The following TFDP1 variants were observed in gnomAD, a reference collection of about 807,000 sequenced individuals.
The protein encoded by TFDP1 is transcription factor Dp-1.
Under a neutral mutation model 48.0 loss-of-function variants are expected in TFDP1, and 6 were observed. That is an observed-to-expected ratio of 0.13 (90% CI 0.07 to 0.25). The LOEUF (loss-of-function observed/expected upper bound fraction) is 0.25, where lower values mean the gene tolerates loss of function less well. Ranked by LOEUF, TFDP1 falls within the 10% of genes least tolerant of loss-of-function variation. The probability of loss-of-function intolerance (pLI) is 1.00; values close to 1 mark genes in which losing one functional copy is unlikely to be tolerated. For missense variants in TFDP1, 335 were observed against 543.0 expected (o/e 0.62, Z 3.81); for synonymous variants, 201 against 211.6 (o/e 0.95, Z 0.44).
Position 113,627,158 on chromosome 13 carries a change from T to C in TFDP1, c.186+3872T>C, listed in dbSNP as rs1031558821. On this transcript the variant is annotated intron_variant, in intron 4 of 11. Coordinates refer to ENST00000375370, the MANE Select transcript of TFDP1 (RefSeq NM_007111.5). This position sits in a 1 kb window ranked among gnomAD's most constrained non-coding sequence, Gnocchi z 4.1. ...GACTGGCTCATTCTGACACGAGGGG[T>C]GGGGCTCAGTCCGGGCATGTGAGTG... is the stretch of plus-strand genomic sequence containing the variant. 6.6e-6 allele frequency among the ~76,000 whole-genome samples: 1 copy of C among 151,894 alleles called. No homozygotes were observed. Among genetic ancestry groups the C allele is most frequent in the African/African-American group, 2.4e-5 (1 of 41,330 alleles).
At position 113,637,809 on chromosome 13, in the gene TFDP1, C is replaced by T; in HGVS notation, c.1007-9C>T. 1 of 1,614,234 alleles carries T rather than the reference C, an allele frequency of 6.2e-7. No individual in the cohort carries two copies. The highest frequency in any genetic ancestry group is 8.5e-7 in the Non-Finnish European group (1 of 1,180,042). On this transcript the variant is annotated splice_polypyrimidine_tract_variant and intron_variant, in intron 10 of 11. Coordinates refer to ENST00000375370, the MANE Select transcript of TFDP1 (RefSeq NM_007111.5). The stretch of plus-strand genomic sequence containing the variant: ...CATGACCATTCGCTTATTTTCTTTC[C>T]CTTTTCAGAAATGGCTCAGGGAACT...
intron 3 of TFDP1, among the ~76,000 whole-genome samples, chr13:113,616,731 G>A (rs776409581): frequency 8.5e-5 from 13 of 152,226 alleles, no homozygotes; most frequent in Non-Finnish European, 1.5e-4. Context: ...CGTGACCGTC[G>A]CCTGTGAACT....
At chr13:113,625,610 G>GTGT (rs1252454032) in intron 4 of TFDP1, among the ~76,000 whole-genome samples, 6 of 106,242 alleles carry the variant, frequency 5.6e-5, no homozygotes, top group East Asian at 2.7e-4. Context: ...GTGTCTTCAG[G>GTGT]CGTCTCTCAC....
intron 3 of TFDP1, among the ~76,000 whole-genome samples, chr13:113,612,045 A>G (rs765845705): frequency 5.3e-5 from 8 of 152,116 alleles, no homozygotes; most frequent in Non-Finnish European, 1.0e-4. Context: ...TTTTACTCTT[A>G]ACATTGTGAC....
At chr13:113,606,842 G>A (rs189612426) in intron 2 of TFDP1, among the ~76,000 whole-genome samples, 238 of 152,226 alleles carry the variant, frequency 1.6e-3, no homozygotes, top group African/African-American at 5.4e-3. Context: ...TGGGGTAAGC[G>A]CATCCCACCA....
chr13:113,636,664 A>C lies in TFDP1; in HGVS notation c.970A>C (p.Ser324Arg). ...CSAEDLKMAR[S>R]LVPKALEPYV... Reference sequence around the variant, plus strand: ...TGCCGAAGACCTTAAAATGGCCAGAAGTCTGGTCCCCAAGGCTCTGGAGCC... The same window carrying C: ...TGCCGAAGACCTTAAAATGGCCAGACGTCTGGTCCCCAAGGCTCTGGAGCC... The change falls in exon 10 of 12, where the codon AGT becomes CGT. Residue 324 changes from serine to arginine, a missense_variant. Coordinates refer to ENST00000375370, the MANE Select transcript of TFDP1 (RefSeq NM_007111.5). 1 of 1,610,718 alleles carries C rather than the reference A, an allele frequency of 6.2e-7. No individual in the cohort carries two copies. The highest frequency in any genetic ancestry group is 1.1e-5 in the South Asian group (1 of 91,084).
chr13:113,604,712 C>T (rs1388685398), intron 2 of TFDP1, among the ~76,000 whole-genome samples: 2 of 152,230 alleles, frequency 1.3e-5, no homozygotes, highest in Non-Finnish European at 2.9e-5. Flanking sequence ...ACCTGCCTGG[C>T]AGGACCCCTG....
At chr13:113,631,587 G>A in intron 4 of TFDP1, 36 bp from the exon 5 acceptor site, 1 of 1,601,484 alleles carries the variant, frequency 6.2e-7, no homozygotes, top group East Asian at 2.2e-5. Flanking sequence ...CGTGTGGGAG[G>A]GGACTGACTG....
chr13:113,585,367 G>C (rs2047974542), intron 1 of TFDP1: 1 of 152,214 alleles, frequency 6.6e-6, no homozygotes, highest in Admixed American at 6.6e-5. Flanking sequence ...GGGCGCCGCC[G>C]GGGTCTGGGG....
At chr13:113,617,648 C>G (rs1427924729) in intron 3 of TFDP1, among the ~76,000 whole-genome samples, 3 of 150,748 alleles carry the variant, frequency 2.0e-5, no homozygotes, top group Non-Finnish European at 4.4e-5. Flanking sequence ...AGCCGCTCAC[C>G]TGCAGAGCCG....
chr13:113,630,055 C>T (rs181360691), intron 4 of TFDP1, among the ~76,000 whole-genome samples: 7 of 152,272 alleles, frequency 4.6e-5, no homozygotes, highest in African/African-American at 1.7e-4. Flanking sequence ...CTGAACTCAA[C>T]GTAGGAAGCC....
At position 113,636,026 on chromosome 13, in the gene TFDP1, A is replaced by T. The variant is rs1166689131; in HGVS notation, c.737A>T (p.Gln246Leu). ...CAGAGAAACCGGCATGCGGAGCAGC[A>T]GGCCAGCCGGCCACCGCCACCCAAC... ...LVQRNRHAEQQASRPPPPNSV... is the reference protein window; with the variant it reads ...LVQRNRHAEQLASRPPPPNSV... Residue 246 changes from glutamine (Q) to leucine (L), a missense_variant, in exon 9 of 12, where the codon CAG (glutamine) becomes CTG (leucine). Around this residue, in one of 3 missense-constraint regions of TFDP1, gnomAD observed 204 missense variants for 287.1 expected, o/e 0.71. Coordinates refer to ENST00000375370, the MANE Select transcript of TFDP1 (RefSeq NM_007111.5). 6.2e-7 allele frequency: 1 copy of T among 1,614,070 alleles called. No individual in the cohort carries two copies. The highest frequency in any genetic ancestry group is 8.5e-7 in the Non-Finnish European group (1 of 1,180,038).
chr13:113,600,150 G>A lies in TFDP1; in HGVS notation c.13-10846G>A, dbSNP rs149881002. 4.0e-3 allele frequency among the ~76,000 whole-genome samples: 575 copies of A among 144,216 alleles called. 6 individuals carry two copies. The highest frequency in any genetic ancestry group is 0.014 in the African/African-American group (541 of 38,652). The allele number at this position is 144,216 out of a possible 152,430, so 94.6% of individuals were successfully genotyped here. A position where few individuals can be genotyped will look rare whatever the true frequency, so the allele number is the denominator to read the frequency against. On this transcript the variant is annotated intron_variant, in intron 2 of 11. Transcript: ENST00000375370. The stretch of plus-strand genomic sequence containing the variant: ...TCCTTGTATGTAGGGCTCCAGAGCC[G>A]TGAGAGAGAACCCAGGACCGTGAGA...
intron 4 of TFDP1, among the ~76,000 whole-genome samples, chr13:113,625,321 TC>T (rs2049118227): frequency 1.5e-5 from 1 of 67,324 alleles, no homozygotes; most frequent in Admixed American, 1.6e-4. Flanking sequence ...CTCACGTGTT[TC>T]TCAGGCGTCT....
intron 2 of TFDP1, among the ~76,000 whole-genome samples, chr13:113,595,221 G>A (rs1455701289): frequency 6.6e-6 from 1 of 152,212 alleles, no homozygotes; most frequent in Admixed American, 6.5e-5. Flanking sequence ...AAACAAATGT[G>A]CATCTGGTCC....
chr13:113,625,747 GCGTCTCT>G (rs1441391984), intron 4 of TFDP1, among the ~76,000 whole-genome samples: 3 of 118,750 alleles, frequency 2.5e-5, no homozygotes, highest in East Asian at 3.0e-4. Flanking sequence ...GTGTCCTCAG[GCGTCTCT>G]CACGTGTCCT....
Position 113,610,225 on chromosome 13 carries a change from G to A in TFDP1, c.13-771G>A, listed in dbSNP as rs182784653. On this transcript the variant is annotated intron_variant, in intron 2 of 11. Transcript: ENST00000375370. ...ACCGTTATGCGTGTGTGTCCTGTGT[G>A]GCTGTAGCATCACTCATGTGCCTCT... Among the ~76,000 whole-genome samples, 41 of 151,992 alleles carry A rather than the reference G, an allele frequency of 2.7e-4. No homozygotes were observed. In the East Asian group the frequency reaches 7.8e-3, roughly 29 times the overall value.
intron 4 of TFDP1, among the ~76,000 whole-genome samples, chr13:113,626,713 G>A (rs1054173702): frequency 6.6e-6 from 1 of 152,206 alleles, no homozygotes; most frequent in African/African-American, 2.4e-5. Flanking sequence ...TTTCAACCAC[G>A]TTGCACAGCA....
At chr13:113,586,100 C>T (rs900547042) in intron 2 of TFDP1, 2 of 398,252 alleles carry the variant, frequency 5.0e-6, no homozygotes, top group Non-Finnish European at 8.9e-6. Flanking sequence ...TGCCTTCTGA[C>T]TTTTTCCTTA....
Sources: allele counts gnomAD v4.1 joint callset (sites outside exome capture counted in the v4.1 genomes callset), GRCh38; gene constraint gnomAD v4.1.1; regional missense constraint gnomAD v4.1.1; non-coding constraint Gnocchi (gnomAD v3.1); transcripts MANE v1.5; gene names NCBI Gene and HGNC (gene_info 2026-07-23, HGNC 2026-07-21).